SIN3B: variants seen among roughly 807,000 people sequenced by gnomAD.
SIN3B encodes the protein paired amphipathic helix protein Sin3b.
SIN3B carries 19 observed loss-of-function variants against 120.2 expected under a neutral mutation model. The observed-to-expected ratio is 0.16, with a 90% CI of 0.11 to 0.23. The LOEUF (loss-of-function observed/expected upper bound fraction) is 0.23. SIN3B is among the 10% of genes least tolerant of loss of function. SIN3B has a pLI of 1.00. For missense variants in SIN3B, 1,073 were observed against 1,573.0 expected, an observed-to-expected ratio of 0.68 and a Z score of 5.38; for synonymous variants, 654 against 653.2, an observed-to-expected ratio of 1.00 and a Z score of -0.02.
chr19:16,856,546 G>A (rs1372829982), intron 8 of SIN3B, among the ~76,000 whole-genome samples: 2 of 151,872 alleles, frequency 1.3e-5, no homozygotes, highest in Non-Finnish European at 2.9e-5. Context: ...CTAAAGAATC[G>A]AAGAGCATGG....
At position 16,830,534 on chromosome 19, in the gene SIN3B, C is replaced by G. The variant is rs141754763; in HGVS notation, c.227+637C>G. Among the ~76,000 whole-genome samples the G allele has an allele frequency of 5.3e-3, 813 of 152,242 alleles. 3 individuals carry two copies. The highest frequency in any genetic ancestry group is 7.7e-3 in the Non-Finnish European group (525 of 68,010). On this transcript the variant is annotated intron_variant, in intron 2 of 18. Coordinates refer to ENST00000248054, the MANE Select transcript of SIN3B (RefSeq NM_001297595.2). ...CTGAGGTTTGGAGTGGGTAAGGGAC[C>G]CACCTAAGTGGCAGAGGTGTCACTA...
chr19:16,870,103 C>T (rs971152585), intron 13 of SIN3B, 28 bp downstream of exon 13: 25 of 1,538,480 alleles, frequency 1.6e-5, no homozygotes, highest in Non-Finnish European at 1.8e-5. Context: ...GCCGGGAGGC[C>T]CCGGGGGGTG....
intron 14 of SIN3B, among the ~76,000 whole-genome samples, chr19:16,873,075 T>C (rs2051533400): frequency 6.6e-6 from 1 of 152,052 alleles, no homozygotes; most frequent in African/African-American, 2.4e-5. Context: ...GGCCGCACTC[T>C]GTGTCCTCCC....
At chr19:16,833,732 TG>T (rs997357134) in intron 3 of SIN3B, among the ~76,000 whole-genome samples, 19 of 150,778 alleles carry the variant, frequency 1.3e-4, no homozygotes, top group South Asian at 8.4e-4. Context: ...GTTTTTTTTT[TG>T]CCTTTTTTGA....
chr19:16,866,687 C>A, intron 12 of SIN3B, 131 bp downstream of exon 12: 2 of 858,982 alleles, frequency 2.3e-6, no homozygotes, highest in South Asian at 1.6e-5. Context: ...TGTGTTGAGG[C>A]GAGGGTTCAT....
intron 8 of SIN3B, among the ~76,000 whole-genome samples, chr19:16,858,445 C>A (rs1971644696): frequency 6.6e-6 from 1 of 152,148 alleles, no homozygotes; most frequent in South Asian, 2.1e-4. Context: ...GAGTGATGAA[C>A]TGCTTTCATA....
rs2051629570 is a variant in SIN3B, at chr19:16,877,787, G to T, written c.2954+148G>T. 3 of 665,148 alleles carry T rather than the reference G, an allele frequency of 4.5e-6. No individual in the cohort carries two copies. In the South Asian group the frequency reaches 5.3e-5, roughly 12 times the overall value. 41.2% of individuals were successfully genotyped at this position (665,148 alleles called of 1,614,324 possible). A position where few individuals can be genotyped will look rare whatever the true frequency, so the allele number is the denominator to read the frequency against. ...GTGCTGAGGCAGGCCCTGCCCTTTT[G>T]AGGCTTGTGGTTTGCAGTGGAGGGA... On this transcript the variant is annotated intron_variant, in intron 17 of 18. Transcript: ENST00000248054.
chr19:16,850,494 C>T (rs1971530690), intron 5 of SIN3B, among the ~76,000 whole-genome samples: 1 of 152,060 alleles, frequency 6.6e-6, no homozygotes, highest in Non-Finnish European at 1.5e-5. Context: ...TCCCTAACAG[C>T]AGCCCAGAGC....
Position 16,841,812 on chromosome 19 carries a change from GCAGGTGCCGTATAAAGAGGACAAACCC to G in SIN3B, c.435_461del (p.Tyr146_Pro154del). ...GGGACGGTGCAGAGGACTTCAAGCA[GCAGGTGCCGTATAAAGAGGACAAACCC>G]CAGGTGCCCCTGGAGTCCGATTCCG... On this transcript the variant is annotated inframe_deletion, in exon 4 of 19. Coordinates refer to ENST00000248054, the MANE Select transcript of SIN3B (RefSeq NM_001297595.2). 1 of 1,614,126 alleles carries G rather than the reference GCAGGTGCCGTATAAAGAGGACAAACCC, an allele frequency of 6.2e-7. No individual in the cohort carries two copies. Among genetic ancestry groups the G allele is most frequent in the Non-Finnish European group, 8.5e-7 (1 of 1,180,034 alleles).
chr19:16,875,401 T>G (rs2051581582), intron 14 of SIN3B, among the ~76,000 whole-genome samples: 1 of 146,436 alleles, frequency 6.8e-6, no homozygotes, highest in Non-Finnish European at 1.5e-5. Context: ...TTTGGTCTGG[T>G]CTGGTTTGGT....
At chr19:16,851,706 G>A (rs1473830010) in intron 6 of SIN3B, among the ~76,000 whole-genome samples, 172 bp downstream of exon 6, 1 of 152,254 alleles carries the variant, frequency 6.6e-6, no homozygotes, top group Non-Finnish European at 1.5e-5. Context: ...CTCTAAGGTG[G>A]CTGTTCTTCC....
chr19:16,833,801 G>A (rs926819129), intron 3 of SIN3B, among the ~76,000 whole-genome samples: 1 of 150,298 alleles, frequency 6.7e-6, no homozygotes, highest in African/African-American at 2.4e-5. Context: ...TCGGCTCCCT[G>A]CAACCTCCAC....
At chr19:16,865,724 C>A (rs35770805) in intron 11 of SIN3B, 76 bp downstream of exon 11, 1 of 1,011,330 alleles carries the variant, frequency 9.9e-7, no homozygotes, top group Non-Finnish European at 1.5e-6. Flanking sequence ...CCCCTCCCCA[C>A]TGCAGGGAGC....
At chr19:16,844,746 C>T (rs112110810) in intron 4 of SIN3B, among the ~76,000 whole-genome samples, 2 of 152,158 alleles carry the variant, frequency 1.3e-5, no homozygotes, top group Non-Finnish European at 2.9e-5. Flanking sequence ...ATTAAGTGGC[C>T]GAGAATTACA....
chr19:16,834,922 CTT>C (rs541788015), intron 3 of SIN3B, among the ~76,000 whole-genome samples: 30 of 140,566 alleles, frequency 2.1e-4, no homozygotes, highest in Admixed American at 3.6e-4. Context: ...TCTTTTCTTT[CTT>C]TTTTTTTTTT....
Position 16,870,047 on chromosome 19 carries a change from C to T in SIN3B, c.2394C>T (p.Pro798=), listed in dbSNP as rs759921927. 29 of 1,606,120 alleles carry T rather than the reference C, an allele frequency of 1.8e-5. No homozygotes were observed. Among genetic ancestry groups the T allele is most frequent in the African/African-American group, 9.4e-5 (7 of 74,762 alleles). Residue 798 remains proline, a synonymous_variant, in exon 13 of 19, where the codon CCC becomes CCT. Coordinates refer to ENST00000248054, the MANE Select transcript of SIN3B (RefSeq NM_001297595.2). The stretch of plus-strand genomic sequence containing the variant: ...GCCGCAGGGAGAAGGGCAGCGACCC[C>T]GCCATGGAGCTGCGGCTGAAGCAGC... ...CEGRREKGSD[P]AMELRLKQPS...
chr19:16,841,654 C>A, intron 3 of SIN3B, 114 bp from the exon 4 acceptor site: 1 of 989,038 alleles, frequency 1.0e-6, no homozygotes, highest in Non-Finnish European at 1.6e-6. Flanking sequence ...TCTAATACAG[C>A]TTGGCTCCGT....
At chr19:16,867,510 A>G (rs191310950) in intron 12 of SIN3B, among the ~76,000 whole-genome samples, 2 of 152,286 alleles carry the variant, frequency 1.3e-5, no homozygotes, top group African/African-American at 4.8e-5. Flanking sequence ...GGTGATAGCC[A>G]GCTGTCGGGA....
At chr19:16,848,942 GTTTC>G (rs1260768074) in intron 5 of SIN3B, among the ~76,000 whole-genome samples, 5 of 152,214 alleles carry the variant, frequency 3.3e-5, no homozygotes. Flanking sequence ...CCAGTCCATG[GTTTC>G]TTTAAGTGGC....
Sources: allele counts gnomAD v4.1 joint callset (sites outside exome capture counted in the v4.1 genomes callset), GRCh38; gene constraint gnomAD v4.1.1; transcripts MANE v1.5; gene names NCBI Gene and HGNC (gene_info 2026-07-23, HGNC 2026-07-21).